EDIL3: variants seen among roughly 807,000 people sequenced by gnomAD.
The protein encoded by EDIL3 is EGF like and discoidin domains 3.
EDIL3 carries 37 observed loss-of-function variants against 67.4 expected under a neutral mutation model. That is an observed-to-expected ratio of 0.55 (90% CI 0.42 to 0.72). EDIL3 has a LOEUF of 0.72. EDIL3 is among the 30% of genes least tolerant of loss of function. The pLI is 0.00. For synonymous variants in EDIL3, 195 were observed against 196.3 expected (o/e 0.99, Z 0.05); for missense variants, 527 against 586.3 (o/e 0.90, Z 1.04).
intron 3 of EDIL3, among the ~76,000 whole-genome samples, chr5:84,224,725 T>C (rs1274311768): frequency 1.3e-5 from 2 of 151,528 alleles, no homozygotes; most frequent in African/African-American, 4.8e-5. Context: ...TTTAAAGGCA[T>C]ATATATTAGA....
chr5:84,181,015 A>T (rs1207266741), intron 3 of EDIL3: 1 of 152,322 alleles, frequency 6.6e-6, no homozygotes, highest in African/African-American at 2.4e-5. Context: ...TACAAGCAGC[A>T]TATGGCTGTA....
intron 9 of EDIL3, among the ~76,000 whole-genome samples, chr5:84,054,460 G>A (rs1746403982): frequency 6.6e-6 from 1 of 152,150 alleles, no homozygotes. Flanking sequence ...TCTGACCAGG[G>A]CAATCAGGCA....
chr5:84,263,005 T>C (rs1745266644), intron 1 of EDIL3, among the ~76,000 whole-genome samples: 1 of 152,048 alleles, frequency 6.6e-6, no homozygotes, highest in South Asian at 2.1e-4. Flanking sequence ...TTTCTACCTA[T>C]GAAGAATATC....
chr5:84,088,338 C>T (rs938116148), intron 6 of EDIL3, among the ~76,000 whole-genome samples: 1 of 152,090 alleles, frequency 6.6e-6, no homozygotes, highest in Non-Finnish European at 1.5e-5. Flanking sequence ...AAAAAAGAAG[C>T]TAAGATACAT....
At chr5:84,318,911 G>A (rs1466476156) in intron 1 of EDIL3, among the ~76,000 whole-genome samples, 3 of 152,040 alleles carry the variant, frequency 2.0e-5, no homozygotes, top group Admixed American at 2.0e-4. Flanking sequence ...CTATCCATCT[G>A]ACAAAGGCTA....
chr5:84,045,216 C>T (rs1746200250), intron 9 of EDIL3, among the ~76,000 whole-genome samples: 1 of 152,064 alleles, frequency 6.6e-6, no homozygotes, highest in African/African-American at 2.4e-5. Flanking sequence ...TAGGTCCCTC[C>T]CACAATGCAT....
chr5:83,999,999 T>G lies in EDIL3; in HGVS notation c.1138-36639A>C, dbSNP rs548174773. The stretch of plus-strand genomic sequence containing the variant: ...AGAGAGTAGCATGACATATTTCAAG[T>G]GCTAAAGGAAAAAAAAAAAAACTTT... On this transcript the variant is annotated intron_variant, in intron 9 of 10. Coordinates refer to ENST00000296591, the MANE Select transcript of EDIL3 (RefSeq NM_005711.5). Among the ~76,000 whole-genome samples, 311 of 107,504 alleles carry G rather than the reference T, an allele frequency of 2.9e-3. 1 individual carries two copies. The highest frequency in any genetic ancestry group is 0.01 in the African/African-American group (302 of 29,166). The allele number at this position is 107,504 out of a possible 152,430, so 70.5% of individuals were successfully genotyped here.
chr5:83,996,780 C>T (rs1745245496), intron 9 of EDIL3, among the ~76,000 whole-genome samples: 1 of 152,168 alleles, frequency 6.6e-6, no homozygotes, highest in South Asian at 2.1e-4. Context: ...TGATATGTGA[C>T]ATAAATTCTA....
intron 1 of EDIL3, among the ~76,000 whole-genome samples, chr5:84,358,360 C>T (rs903983730): frequency 2.0e-5 from 3 of 152,156 alleles, no homozygotes; most frequent in African/African-American, 4.8e-5. Context: ...TCAGCCTACA[C>T]AGAAGTTGCC....
At position 84,369,883 on chromosome 5, in the gene EDIL3, G is replaced by A. The variant is rs1179750208; in HGVS notation, c.67+14425C>T. On this transcript the variant is annotated intron_variant, in intron 1 of 10. Coordinates refer to ENST00000296591, the MANE Select transcript of EDIL3 (RefSeq NM_005711.5). Reference sequence around the variant, plus strand: ...GCTAAACAAGTCTCAAAGTACAGACGCCAATATGTCATCATTATACCTTTT... The same window carrying A: ...GCTAAACAAGTCTCAAAGTACAGACACCAATATGTCATCATTATACCTTTT... 2.6e-5 allele frequency among the ~76,000 whole-genome samples: 4 copies of A among 152,146 alleles called. No individual in the cohort carries two copies. In the East Asian group the frequency reaches 7.7e-4, roughly 29 times the overall value.
intron 4 of EDIL3, among the ~76,000 whole-genome samples, chr5:84,165,754 C>A (rs142499881): frequency 2.7e-4 from 41 of 152,238 alleles, no homozygotes; most frequent in African/African-American, 9.4e-4. Flanking sequence ...GATGGCACCA[C>A]GTGCAAGGTA....
At chr5:84,188,009 T>C (rs1277678854) in intron 3 of EDIL3, among the ~76,000 whole-genome samples, 2 of 152,068 alleles carry the variant, frequency 1.3e-5, no homozygotes, top group African/African-American at 2.4e-5. Context: ...GTAAATTTAA[T>C]ATATTTTTCA....
intron 1 of EDIL3, among the ~76,000 whole-genome samples, chr5:84,256,513 G>T (rs1745127212): frequency 6.6e-6 from 1 of 152,102 alleles, no homozygotes; most frequent in Non-Finnish European, 1.5e-5. Context: ...AAGGAAAAAG[G>T]TCATGTCTCA....
intron 3 of EDIL3, among the ~76,000 whole-genome samples, chr5:84,218,871 G>T (rs987531869): frequency 1.1e-4 from 17 of 152,268 alleles, no homozygotes; most frequent in African/African-American, 3.9e-4. Flanking sequence ...TTTGTCTTGT[G>T]CCTTCTGTGC....
chr5:84,090,833 A>G (rs1488823475), intron 6 of EDIL3, among the ~76,000 whole-genome samples: 2 of 152,056 alleles, frequency 1.3e-5, no homozygotes, highest in African/African-American at 4.8e-5. Flanking sequence ...CTGTAGTCCC[A>G]GCTACTTGGG....
At chr5:84,081,099 A>T (rs937364783) in intron 6 of EDIL3, among the ~76,000 whole-genome samples, 1 of 152,244 alleles carries the variant, frequency 6.6e-6, no homozygotes, top group Non-Finnish European at 1.5e-5. Context: ...CACAGCATGT[A>T]ACAGGAGCAA....
At chr5:83,953,177 G>C (rs547687101) in intron 10 of EDIL3, among the ~76,000 whole-genome samples, 2 of 151,866 alleles carry the variant, frequency 1.3e-5, no homozygotes, top group African/African-American at 4.8e-5. Flanking sequence ...CTGGAAACAA[G>C]GTTGCAAGAT....
chr5:84,291,463 C>T (rs911466819), intron 1 of EDIL3, among the ~76,000 whole-genome samples: 2 of 151,710 alleles, frequency 1.3e-5, no homozygotes, highest in African/African-American at 4.8e-5. Context: ...CAAAACAACC[C>T]TGAAAGGTGG....
At chr5:84,039,073 G>C (rs532046034) in intron 9 of EDIL3, among the ~76,000 whole-genome samples, 1 of 151,812 alleles carries the variant, frequency 6.6e-6, no homozygotes, top group Non-Finnish European at 1.5e-5. Context: ...AGTAGCTATG[G>C]GGATTAAGAT....
Sources: gnomAD v4.1 joint callset for allele counts (sites outside exome capture counted in the v4.1 genomes callset) on GRCh38, gnomAD v4.1.1 for gene constraint, MANE v1.5 for transcripts, NCBI Gene and HGNC (gene_info 2026-07-23, HGNC 2026-07-21) for gene names.